Variants in COL8A1 observed in about 807,000 individuals in gnomAD.
COL8A1 encodes collagen alpha-1(VIII) chain.
A neutral mutation model predicts 42.7 loss-of-function variants in COL8A1; 21 were observed. The ratio of observed to expected loss-of-function variants is 0.49; its 90% CI spans 0.35 to 0.71. The LOEUF (loss-of-function observed/expected upper bound fraction) is 0.71, where lower values mean the gene tolerates loss of function less well. Ranked by LOEUF, COL8A1 falls within the 30% of genes least tolerant of loss-of-function variation. The pLI, the probability that COL8A1 is intolerant of heterozygous loss-of-function variation, is 0.01. For synonymous variants in COL8A1, 367 were observed against 369.1 expected (o/e 0.99, Z 0.06); for missense variants, 788 against 962.4 (o/e 0.82, Z 2.40).
intron 1 of COL8A1, among the ~76,000 whole-genome samples, chr3:99,684,033 A>C (rs1396274956): frequency 6.6e-6 from 1 of 152,194 alleles, no homozygotes; most frequent in African/African-American, 2.4e-5. Flanking sequence ...AGAGCGGTCA[A>C]GCAGGTCCAG....
rs1424386941 is a variant in COL8A1, at chr3:99,795,666, G to C, written c.1765G>C (p.Gly589Arg). 2.5e-6 allele frequency: 4 copies of C among 1,613,894 alleles called. No homozygotes were observed. In the South Asian group the frequency reaches 3.3e-5, roughly 13 times the overall value. ...CCAGGGAGAGTATCTGCCAGATATGGGGCTGGGAATTGATGGCGTGAAACC... is the reference window on the plus strand; with the variant it reads ...CCAGGGAGAGTATCTGCCAGATATGCGGCTGGGAATTGATGGCGTGAAACC... ...PPQGEYLPDM[G>R]LGIDGVKPPH... is the part of the protein sequence containing the mutation. Residue 589 changes from glycine (G) to arginine (R), a missense_variant, in exon 4 of 4, where the codon GGG (glycine) becomes CGG (arginine). Transcript: ENST00000652472.
At chr3:99,662,213 T>A (rs1401920374) in intron 1 of COL8A1, among the ~76,000 whole-genome samples, 1 of 152,028 alleles carries the variant, frequency 6.6e-6, no homozygotes, top group Non-Finnish European at 1.5e-5. Context: ...ACCCCATGGC[T>A]ACAAAAATTA....
chr3:99,669,146 T>TATATATATATATATAGAGAG, intron 1 of COL8A1, among the ~76,000 whole-genome samples: 6 of 115,390 alleles, frequency 5.2e-5, no homozygotes, highest in East Asian at 3.1e-4. Flanking sequence ...TATATATATA[T>TATATATATATATATAGAGAG]AGAGGGAGAG....
At chr3:99,793,134 G>A (rs950293289) in intron 3 of COL8A1, among the ~76,000 whole-genome samples, 1 of 152,182 alleles carries the variant, frequency 6.6e-6, no homozygotes, top group Non-Finnish European at 1.5e-5. Context: ...GCAGGAGGGA[G>A]AGAATGGAGA....
chr3:99,656,897 A>G (rs923419352), intron 1 of COL8A1, among the ~76,000 whole-genome samples: 21 of 152,230 alleles, frequency 1.4e-4, no homozygotes, highest in Non-Finnish European at 1.0e-4. Flanking sequence ...AGAAAAGTCC[A>G]CTTGGGCATG....
At chr3:99,786,218 T>C (rs1308050958) in intron 2 of COL8A1, among the ~76,000 whole-genome samples, 1 of 152,196 alleles carries the variant, frequency 6.6e-6, no homozygotes, top group Non-Finnish European at 1.5e-5. Context: ...ACTCTGTCAT[T>C]ATTGAACCCT....
chr3:99,662,381 C>CAAAA (rs11394075), intron 1 of COL8A1, among the ~76,000 whole-genome samples: 10 of 126,052 alleles, frequency 7.9e-5, no homozygotes, highest in African/African-American at 2.3e-4. Context: ...GACTTTGTCT[C>CAAAA]AAAAAAAAAA....
chr3:99,795,364 C>G lies in COL8A1; in HGVS notation c.1463C>G (p.Pro488Arg), dbSNP rs377465812. 1 of 1,580,276 alleles carries G rather than the reference C, an allele frequency of 6.3e-7. No individual in the cohort carries two copies. The highest frequency in any genetic ancestry group is 8.6e-7 in the Non-Finnish European group (1 of 1,162,552). Reference protein sequence around the residue: ...LLGPKGEPGIPGDQGLQGPPG... With the variant: ...LLGPKGEPGIRGDQGLQGPPG... ...GGACCTAAGGGAGAGCCAGGAATCC[C>G]AGGGGATCAGGGTTTACAGGGCCCC... Residue 488 changes from proline to arginine, a missense_variant, in exon 4 of 4, where the codon CCA becomes CGA. Transcript: ENST00000652472.
In COL8A1 at chr3:99,797,172, AATC is replaced by A. The variant is rs1942122096; in HGVS notation, c.*1039_*1041del. 1 of 152,208 alleles carries A rather than the reference AATC, an allele frequency of 6.6e-6. No homozygotes were observed. The highest frequency in any genetic ancestry group is 2.4e-5 in the African/African-American group (1 of 41,454). The allele number at this position is 152,208 out of a possible 1,614,324, so 9.4% of individuals were successfully genotyped here. ...ACACACACAACCACAGTGTGGTTCT[AATC>A]ATGGAGATATCAGTAATTTTTAGTA... is the stretch of plus-strand genomic sequence containing the variant. On this transcript the variant is annotated 3_prime_UTR_variant, in exon 4 of 4. Transcript: ENST00000652472.
chr3:99,693,168 G>A lies in COL8A1; in HGVS notation c.-128-51729G>A, dbSNP rs530438810. Among the ~76,000 whole-genome samples the A allele has an allele frequency of 4.6e-5, 7 of 152,226 alleles. No homozygotes were observed. The East Asian group carries it at 5.8e-4, about 13-fold the overall frequency. On this transcript the variant is annotated intron_variant, in intron 1 of 3. Transcript: ENST00000652472. ...TTGTGCCATGCACTCCAGCCTGGGCGACAGAGCGAGACTCTGTCTAAAAAA... is the reference window on the plus strand; with the variant it reads ...TTGTGCCATGCACTCCAGCCTGGGCAACAGAGCGAGACTCTGTCTAAAAAA...
At chr3:99,681,745 A>T (rs1938888969) in intron 1 of COL8A1, among the ~76,000 whole-genome samples, 1 of 152,232 alleles carries the variant, frequency 6.6e-6, no homozygotes, top group Non-Finnish European at 1.5e-5. Flanking sequence ...TTTAAGACTA[A>T]GACAGATATG....
intron 1 of COL8A1, among the ~76,000 whole-genome samples, chr3:99,709,929 T>C (rs748566679): frequency 1.3e-5 from 2 of 152,164 alleles, no homozygotes; most frequent in Non-Finnish European, 2.9e-5. Flanking sequence ...CTTCTTCTCA[T>C]GTGTGAGGAG....
At chr3:99,653,732 C>A (rs1937924450) in intron 1 of COL8A1, among the ~76,000 whole-genome samples, 1 of 150,770 alleles carries the variant, frequency 6.6e-6, no homozygotes, top group African/African-American at 2.4e-5. Context: ...AGGCTGCCAG[C>A]ATCCTAGATG....
chr3:99,751,515 C>G (rs1941148648), intron 2 of COL8A1, among the ~76,000 whole-genome samples: 2 of 152,006 alleles, frequency 1.3e-5, no homozygotes, highest in South Asian at 4.2e-4. Context: ...GCTGAGATCG[C>G]ACCACTGCAC....
At chr3:99,735,720 G>A (rs1441324806) in intron 1 of COL8A1, among the ~76,000 whole-genome samples, 1 of 151,774 alleles carries the variant, frequency 6.6e-6, no homozygotes, top group East Asian at 2.0e-4. Context: ...AGTTTCAGAA[G>A]GAATGGTACC....
At position 99,741,300 on chromosome 3, in the gene COL8A1, T is replaced by C. The variant is rs573411917; in HGVS notation, c.-128-3597T>C. Among the ~76,000 whole-genome samples the C allele has an allele frequency of 2.0e-5, 3 of 152,340 alleles. No homozygotes were observed. The East Asian group carries it at 5.8e-4, about 29-fold the overall frequency. ...TTTTTTCTTGGTGATTTGTAAGAGC[T>C]CTTTATATTGGAAGGATACTAAGAC... On this transcript the variant is annotated intron_variant, in intron 1 of 3. Transcript: ENST00000652472.
chr3:99,644,385 C>A (rs78340991), intron 1 of COL8A1, among the ~76,000 whole-genome samples: 14,192 of 152,222 alleles, frequency 0.093, 698 homozygotes, highest in African/African-American at 0.1. Context: ...TTGAAATGTT[C>A]TCTGCTAAAA....
intron 1 of COL8A1, among the ~76,000 whole-genome samples, chr3:99,744,207 GGCGTCA>G (rs1468699656): frequency 6.6e-6 from 1 of 152,198 alleles, no homozygotes; most frequent in Non-Finnish European, 1.5e-5. Flanking sequence ...TGGGATTACA[GGCGTCA>G]GCCACCGTGC....
chr3:99,652,855 C>T (rs1288332366), intron 1 of COL8A1, among the ~76,000 whole-genome samples: 1 of 152,128 alleles, frequency 6.6e-6, no homozygotes, highest in African/African-American at 2.4e-5. Flanking sequence ...TTATTTAATG[C>T]CCAAATGTGT....
Sources: gnomAD v4.1 joint callset for allele counts (sites outside exome capture counted in the v4.1 genomes callset) on GRCh38, gnomAD v4.1.1 for gene constraint, MANE v1.5 for transcripts, NCBI Gene and HGNC (gene_info 2026-07-23, HGNC 2026-07-21) for gene names.